The following SSH2 variants were observed in gnomAD, a reference collection of about 807,000 sequenced individuals.
SSH2 encodes protein phosphatase Slingshot homolog 2.
Under a neutral mutation model 135.2 loss-of-function variants are expected in SSH2, and 37 were observed. The observed-to-expected ratio is 0.27, with a 90% CI of 0.21 to 0.36. The LOEUF (loss-of-function observed/expected upper bound fraction) is 0.36, where lower values mean the gene tolerates loss of function less well. Among genes scored for constraint, SSH2 ranks in the 10% least tolerant of loss-of-function variants. SSH2 has a pLI of 1.00. For synonymous variants in SSH2, 628 were observed against 646.2 expected, an observed-to-expected ratio of 0.97 and a Z score of 0.43; for missense variants, 1,408 against 1,765.3, an observed-to-expected ratio of 0.80 and a Z score of 3.63.
chr17:29,929,852 G>T, intron 1 of SSH2, 86 bp downstream of exon 1: 2 of 1,295,688 alleles, frequency 1.5e-6, no homozygotes, highest in Non-Finnish European at 2.1e-6. Flanking sequence ...CGCGGCGCGT[G>T]CGCAGTGGCG....
At chr17:29,724,602 T>C (rs2039936387) in intron 3 of SSH2, among the ~76,000 whole-genome samples, 1 of 145,786 alleles carries the variant, frequency 6.9e-6, no homozygotes, top group East Asian at 2.0e-4. Context: ...TTTTTTTTTT[T>C]TTCAAAGAGA....
intron 2 of SSH2, among the ~76,000 whole-genome samples, chr17:29,824,533 A>G (rs747037335): frequency 1.3e-5 from 2 of 152,094 alleles, no homozygotes; most frequent in Non-Finnish European, 2.9e-5. Flanking sequence ...GCCTAAGCCA[A>G]CCTCTGGCAA....
intron 3 of SSH2, among the ~76,000 whole-genome samples, chr17:29,740,349 A>T (rs2040513423): frequency 6.6e-6 from 1 of 152,202 alleles, no homozygotes; most frequent in South Asian, 2.1e-4. Flanking sequence ...GAAGCATCGC[A>T]GTCTCAAAGA....
chr17:29,656,884 T>C (rs2036803215), intron 11 of SSH2, among the ~76,000 whole-genome samples: 1 of 152,214 alleles, frequency 6.6e-6, no homozygotes, highest in African/African-American at 2.4e-5. Context: ...CTATACATAT[T>C]TGAATTTCTA....
chr17:29,674,072 T>C, intron 8 of SSH2: 3 of 456,682 alleles, frequency 6.6e-6, no homozygotes, highest in South Asian at 1.5e-5. Flanking sequence ...TAAGGCATAT[T>C]GGCAAATCAC....
intron 2 of SSH2, among the ~76,000 whole-genome samples, chr17:29,818,438 C>T (rs1170853597): frequency 3.3e-5 from 5 of 151,770 alleles, no homozygotes; most frequent in Non-Finnish European, 5.9e-5. Flanking sequence ...TTAGTAGAGA[C>T]GGGGTTTCAC....
At chr17:29,815,116 T>G (rs565697611) in intron 2 of SSH2, among the ~76,000 whole-genome samples, 4 of 127,130 alleles carry the variant, frequency 3.1e-5, no homozygotes, top group Non-Finnish European at 6.5e-5. Context: ...ACCTAGCTAT[T>G]TTTTGTATTT....
At chr17:29,811,066 G>A (rs2042433209) in intron 2 of SSH2, among the ~76,000 whole-genome samples, 1 of 152,036 alleles carries the variant, frequency 6.6e-6, no homozygotes, top group Non-Finnish European at 1.5e-5. Context: ...CACAATCTCG[G>A]CTCACTGCAA....
chr17:29,916,520 G>A (rs549314921), intron 1 of SSH2, among the ~76,000 whole-genome samples: 3 of 148,480 alleles, frequency 2.0e-5, no homozygotes, highest in East Asian at 2.0e-4. Context: ...AGGCTGGAGT[G>A]CAGTGGCGTG....
Position 29,681,002 on chromosome 17 carries a change from G to A in SSH2, c.480-3261C>T, listed in dbSNP as rs188696130. ...CAAGTGACATTGATATACAGGAATC[G>A]ACATTACATTTTTGGCTTGTATTCA... On this transcript the variant is annotated intron_variant, in intron 6 of 15. Coordinates refer to ENST00000540801, the MANE Select transcript of SSH2 (RefSeq NM_001282129.2). 5.3e-4 allele frequency among the ~76,000 whole-genome samples: 81 copies of A among 152,102 alleles called. 1 individual carries two copies. Among genetic ancestry groups the A allele is most frequent in the Admixed American group, 2.6e-4 (4 of 15,234 alleles).
At chr17:29,686,984 T>A (rs1057021096) in intron 5 of SSH2, among the ~76,000 whole-genome samples, 1 of 152,204 alleles carries the variant, frequency 6.6e-6, no homozygotes, top group Non-Finnish European at 1.5e-5. Context: ...AAATGACAGA[T>A]CTTTGAAGCC....
intron 11 of SSH2, among the ~76,000 whole-genome samples, chr17:29,656,069 C>A (rs1302679626): frequency 6.6e-6 from 1 of 152,238 alleles, no homozygotes; most frequent in Non-Finnish European, 1.5e-5. Context: ...AACCCACGCA[C>A]CTTGCACAGT....
intron 5 of SSH2, among the ~76,000 whole-genome samples, chr17:29,694,975 G>C (rs1334601199): frequency 6.6e-6 from 1 of 152,108 alleles, no homozygotes; most frequent in Non-Finnish European, 1.5e-5. Flanking sequence ...TGAGGAAATG[G>C]GCACAGACAG....
At chr17:29,733,421 G>T (rs2040262190) in intron 3 of SSH2, among the ~76,000 whole-genome samples, 1 of 152,180 alleles carries the variant, frequency 6.6e-6, no homozygotes, top group Admixed American at 6.5e-5. Context: ...ATAACAAATA[G>T]AAATGTTTAT....
chr17:29,649,718 T>C (rs1250257691), intron 13 of SSH2, among the ~76,000 whole-genome samples: 2 of 152,174 alleles, frequency 1.3e-5, no homozygotes, highest in African/African-American at 2.4e-5. Flanking sequence ...CTCTGGATCT[T>C]AGAAAATACT....
At chr17:29,863,323 T>C (rs999012684) in intron 1 of SSH2, 2 of 152,260 alleles carry the variant, frequency 1.3e-5, no homozygotes, top group African/African-American at 4.8e-5. Flanking sequence ...TAACCTCTTT[T>C]ACCTACCAGT....
Position 29,793,896 on chromosome 17 carries a change from C to T in SSH2, c.186G>A (p.Arg62=). The T allele has an allele frequency of 6.2e-7, 1 of 1,613,238 alleles. No individual in the cohort carries two copies. Among genetic ancestry groups the T allele is most frequent in the African/African-American group, 1.3e-5 (1 of 75,004 alleles). Residue 62 remains arginine (R), a splice_region_variant and synonymous_variant, in exon 3 of 16, where the codon AGG becomes AGA. Transcript: ENST00000540801. ...TAGGATATAATGAACAAACATACCT[C>T]CTGGGCTGTGACCGGCATTCTTCCT... ...SGEEECRSQP[R]SISESFLTVK... is the part of the protein sequence containing the mutation.
intron 1 of SSH2, among the ~76,000 whole-genome samples, chr17:29,881,578 T>C (rs1239245387): frequency 6.6e-6 from 1 of 152,146 alleles, no homozygotes; most frequent in East Asian, 1.9e-4. Context: ...CTTGGCTCAC[T>C]GCAACCTCTG....
At chr17:29,849,391 A>C (rs1438961607) in intron 1 of SSH2, among the ~76,000 whole-genome samples, 5 of 150,346 alleles carry the variant, frequency 3.3e-5, no homozygotes, top group Non-Finnish European at 7.4e-5. Context: ...AGGCAGGAGA[A>C]TGGCGTGAAC....
Sources: gnomAD v4.1 joint callset for allele counts (sites outside exome capture counted in the v4.1 genomes callset) on GRCh38, gnomAD v4.1.1 for gene constraint, MANE v1.5 for transcripts, NCBI Gene and HGNC (gene_info 2026-07-23, HGNC 2026-07-21) for gene names.